NCAPD3: variants seen among roughly 807,000 people sequenced by gnomAD.
NCAPD3 encodes the protein non-SMC condensin II complex subunit D3, also known as condensin-2 complex subunit D3.
NCAPD3 carries 105 observed loss-of-function variants against 182.9 expected under a neutral mutation model. The ratio of observed to expected loss-of-function variants is 0.57; its 90% CI spans 0.49 to 0.68. The LOEUF is 0.68. Ranked by LOEUF, NCAPD3 falls within the 30% of genes least tolerant of loss-of-function variation. The pLI, the probability that NCAPD3 is intolerant of heterozygous loss-of-function variation, is 0.00. For missense variants in NCAPD3, 1,944 were observed against 1,837.0 expected, an observed-to-expected ratio of 1.06 and a Z score of -1.07; for synonymous variants, 815 against 679.9, an observed-to-expected ratio of 1.20 and a Z score of -3.09.
chr11:134,189,443 C>T (rs954193305), intron 16 of NCAPD3, among the ~76,000 whole-genome samples: 3 of 152,134 alleles, frequency 2.0e-5, no homozygotes, highest in Non-Finnish European at 2.9e-5. Context: ...TCTAAGTACT[C>T]CATTAAATGC....
Position 134,178,621 on chromosome 11 carries a change from A to G in NCAPD3, c.2782+13T>C. 2 of 1,520,328 alleles carry G rather than the reference A, an allele frequency of 1.3e-6. No homozygotes were observed. The highest frequency in any genetic ancestry group is 1.8e-6 in the Non-Finnish European group (2 of 1,128,624). 94.2% of individuals were successfully genotyped at this position (1,520,328 alleles called of 1,614,324 possible). A position where few individuals can be genotyped will look rare whatever the true frequency, so the allele number is the denominator to read the frequency against. On this transcript the variant is annotated intron_variant, in intron 22 of 34. Coordinates refer to ENST00000534548, the MANE Select transcript of NCAPD3 (RefSeq NM_015261.3). The stretch of plus-strand genomic sequence containing the variant: ...GAACGATGTCAAGCCCCATTCTCCC[A>G]TGTTTTTCTTACCTAAGGTAATGAT...
chr11:134,210,196 T>C (rs940368784), intron 4 of NCAPD3, 74 bp downstream of exon 4: 2 of 1,320,168 alleles, frequency 1.5e-6, no homozygotes, highest in Non-Finnish European at 2.1e-6. Flanking sequence ...AAACCATGTT[T>C]AGTATAAAGT....
Position 134,210,592 on chromosome 11 carries a change from C to T in NCAPD3, c.383-138G>A, listed in dbSNP as rs529032286. 2.2e-4 allele frequency: 167 copies of T among 747,364 alleles called. No homozygotes were observed. The African/African-American group carries it at 2.6e-3, about 11-fold the overall frequency. The allele number at this position is 747,364 out of a possible 1,614,324, so 46.3% of individuals were successfully genotyped here. On this transcript the variant is annotated intron_variant, in intron 3 of 34. Coordinates refer to ENST00000534548, the MANE Select transcript of NCAPD3 (RefSeq NM_015261.3). The stretch of plus-strand genomic sequence containing the variant: ...AACAATGAACCTGTAGCAAGAGTAC[C>T]ATTTGCAACGTCAGCCTTAGTAGAG...
intron 29 of NCAPD3, among the ~76,000 whole-genome samples, chr11:134,159,174 A>G (rs1043369686): frequency 1.1e-4 from 17 of 152,248 alleles, no homozygotes; most frequent in African/African-American, 4.1e-4. Context: ...TTGACTATAC[A>G]GTCAGCAGCG....
Position 134,178,927 on chromosome 11 carries a change from T to A in NCAPD3, c.2569A>T (p.Ile857Phe), listed in dbSNP as rs774557497. The part of the protein sequence containing the change: ...NMDEDLLVKY[I>F]FTLGDIAQLC... ...TGGGCTATATCCCCTAAGGTAAAAATGTACTTCACCTACAAAGATAATTGG... is the reference window on the plus strand; with the variant it reads ...TGGGCTATATCCCCTAAGGTAAAAAAGTACTTCACCTACAAAGATAATTGG... The change falls in exon 21 of 35, where the codon ATT (isoleucine) becomes TTT (phenylalanine). Residue 857 changes from isoleucine (I) to phenylalanine (F), a missense_variant. Ile to Phe is a conservative substitution (Grantham distance 21). Around this residue, in one of 3 missense-constraint regions of NCAPD3, gnomAD observed 1,803 missense variants for 1,674.6 expected, o/e 1.08. Transcript: ENST00000534548. 3 of 1,611,178 alleles carry A rather than the reference T, an allele frequency of 1.9e-6. No individual in the cohort carries two copies. Among genetic ancestry groups the A allele is most frequent in the African/African-American group, 2.7e-5 (2 of 74,958 alleles).
intron 24 of NCAPD3, 68 bp downstream of exon 24, chr11:134,176,239 A>G: frequency 6.9e-7 from 1 of 1,441,048 alleles, no homozygotes; most frequent in South Asian, 1.2e-5. Flanking sequence ...TCTGAAAAAA[A>G]AAGAAATCCA....
intron 27 of NCAPD3, among the ~76,000 whole-genome samples, chr11:134,163,871 CAAAAAAAAA>C (rs60340458): frequency 7.1e-5 from 5 of 70,904 alleles, no homozygotes; most frequent in Non-Finnish European, 1.4e-4. Context: ...GATTCTGTCT[CAAAAAAAAA>C]AAAAAAAAAA....
At chr11:134,194,220 A>G in intron 14 of NCAPD3, 70 bp from the exon 15 acceptor site, 1 of 1,482,362 alleles carries the variant, frequency 6.7e-7, no homozygotes, top group Non-Finnish European at 9.2e-7. Flanking sequence ...ACTGTTAACA[A>G]AGGAACACTT....
At chr11:134,193,910 A>T (rs991710474) in intron 15 of NCAPD3, 106 bp downstream of exon 15, 1 of 1,175,086 alleles carries the variant, frequency 8.5e-7, no homozygotes, top group South Asian at 1.5e-5. Context: ...TGGACTTAGT[A>T]GAGTTTTTAA....
At chr11:134,161,049 G>A (rs1483541847) in intron 28 of NCAPD3, among the ~76,000 whole-genome samples, 1 of 151,746 alleles carries the variant, frequency 6.6e-6, no homozygotes, top group Non-Finnish European at 1.5e-5. Context: ...TCCTACCTTG[G>A]CTTCCTAGTA....
At chr11:134,159,205 A>T (rs569739128) in intron 29 of NCAPD3, among the ~76,000 whole-genome samples, 2 of 152,244 alleles carry the variant, frequency 1.3e-5, no homozygotes, top group Admixed American at 1.3e-4. Flanking sequence ...CTCATATGGT[A>T]CCTCTACTTT....
rs1165131048 is a variant in NCAPD3, at chr11:134,223,385, G to T, written c.64+478C>A. On this transcript the variant is annotated intron_variant, in intron 1 of 34. Coordinates refer to ENST00000534548, the MANE Select transcript of NCAPD3 (RefSeq NM_015261.3). Reference sequence around the variant, plus strand: ...GGAAGCAGAAATGCCATGACTCCTGGGTTGGTGGCTTGGATGGTGCCATTA... The same window carrying T: ...GGAAGCAGAAATGCCATGACTCCTGTGTTGGTGGCTTGGATGGTGCCATTA... 3 of 701,962 alleles carry T rather than the reference G, an allele frequency of 4.3e-6. 1 individual carries two copies. In the South Asian group the frequency reaches 4.4e-5, roughly 10 times the overall value. 43.5% of individuals were successfully genotyped at this position (701,962 alleles called of 1,614,324 possible).
intron 24 of NCAPD3, among the ~76,000 whole-genome samples, chr11:134,173,848 C>T (rs1390970911): frequency 6.6e-6 from 1 of 151,932 alleles, no homozygotes; most frequent in African/African-American, 2.4e-5. Context: ...GTGATCCCAG[C>T]TACTCGGGAG....
At chr11:134,196,948 TG>T (rs991774250) in intron 13 of NCAPD3, among the ~76,000 whole-genome samples, 2 of 152,182 alleles carry the variant, frequency 1.3e-5, no homozygotes, top group African/African-American at 4.8e-5. Context: ...CATGTTGAAC[TG>T]TAACACCCAG....
chr11:134,184,633 A>G lies in NCAPD3; in HGVS notation c.2451+4T>C. 2 of 1,598,902 alleles carry G rather than the reference A, an allele frequency of 1.3e-6. No individual in the cohort carries two copies. The highest frequency in any genetic ancestry group is 2.7e-5 in the African/African-American group (2 of 74,406). ...GAAACATGTCAGGGAAAGTCTGGCC[A>G]TACCTGCTCCTCTGCTGGTGTCTCT... On this transcript the variant is annotated splice_donor_region_variant and intron_variant, in intron 19 of 34. Transcript: ENST00000534548.
intron 32 of NCAPD3, among the ~76,000 whole-genome samples, chr11:134,155,665 T>C (rs1943399100): frequency 6.6e-6 from 1 of 152,010 alleles, no homozygotes; most frequent in Admixed American, 6.5e-5. Flanking sequence ...ACAACGAAAA[T>C]GAGATGCGTT....
chr11:134,206,781 G>A, intron 7 of NCAPD3, 49 bp from the exon 8 acceptor site: 1 of 1,567,570 alleles, frequency 6.4e-7, no homozygotes, highest in South Asian at 1.2e-5. Flanking sequence ...AGAACACAAG[G>A]GTCTCAGACA....
chr11:134,197,427 C>T (rs1364990404), intron 13 of NCAPD3, among the ~76,000 whole-genome samples: 2 of 152,016 alleles, frequency 1.3e-5, no homozygotes, highest in African/African-American at 4.8e-5. Context: ...CAGGCACCTG[C>T]CACCATGCCC....
intron 32 of NCAPD3, 81 bp from the exon 33 acceptor site, chr11:134,153,444 G>A: frequency 2.8e-6 from 4 of 1,411,468 alleles, no homozygotes; most frequent in Admixed American, 1.7e-5. Context: ...TGGGACGTAG[G>A]CAGGGTGTCC....
Sources: gnomAD v4.1 joint callset for allele counts (sites outside exome capture counted in the v4.1 genomes callset) on GRCh38, gnomAD v4.1.1 for gene constraint, gnomAD v4.1.1 regional missense constraint, MANE v1.5 for transcripts, NCBI Gene and HGNC (gene_info 2026-07-23, HGNC 2026-07-21) for gene names.